Variants in DOCK3 observed in about 807,000 individuals in gnomAD.
DOCK3 encodes dedicator of cytokinesis 3, also known as dedicator of cytokinesis protein 3.
DOCK3 carries 60 observed loss-of-function variants against 265.6 expected under a neutral mutation model. The ratio of observed to expected loss-of-function variants is 0.23; its 90% CI spans 0.18 to 0.28. The LOEUF (loss-of-function observed/expected upper bound fraction) is 0.28, where lower values mean the gene tolerates loss of function less well. Among genes scored for constraint, DOCK3 ranks in the 10% least tolerant of loss-of-function variants. DOCK3 has a pLI of 1.00. For synonymous variants in DOCK3, 881 were observed against 938.0 expected, an observed-to-expected ratio of 0.94 and a Z score of 1.11; for missense variants, 1,981 against 2,594.3, an observed-to-expected ratio of 0.76 and a Z score of 5.14.
intron 2 of DOCK3, among the ~76,000 whole-genome samples, chr3:50,792,260 CTGT>C (rs1319749517): frequency 6.6e-6 from 1 of 151,794 alleles, no homozygotes; most frequent in Non-Finnish European, 1.5e-5. Context: ...CTCAAGTTGG[CTGT>C]TGTTGGTGTA....
intron 5 of DOCK3, among the ~76,000 whole-genome samples, chr3:51,039,278 G>A (rs2080390036): frequency 6.6e-6 from 1 of 152,144 alleles, no homozygotes; most frequent in Non-Finnish European, 1.5e-5. Flanking sequence ...TTATAGGGGT[G>A]AGCCACCGTA....
intron 4 of DOCK3, among the ~76,000 whole-genome samples, chr3:50,910,944 A>T (rs1351686529): frequency 1.3e-5 from 2 of 151,106 alleles, no homozygotes; most frequent in South Asian, 2.1e-4. Flanking sequence ...CCTGCAGAGG[A>T]TGATTGCTGG....
intron 12 of DOCK3, among the ~76,000 whole-genome samples, chr3:51,185,462 G>A (rs2087542896): frequency 1.3e-5 from 2 of 152,190 alleles, no homozygotes; most frequent in Admixed American, 1.3e-4. Flanking sequence ...TAGCCTGCAA[G>A]CACCAAGTAA....
At chr3:51,205,338 A>T (rs1220854945) in intron 12 of DOCK3, among the ~76,000 whole-genome samples, 1 of 152,070 alleles carries the variant, frequency 6.6e-6, no homozygotes, top group Non-Finnish European at 1.5e-5. Flanking sequence ...GAAGAGTAAG[A>T]TAGAGAGGCA....
At chr3:50,814,106 A>G (rs2043923785) in intron 2 of DOCK3, among the ~76,000 whole-genome samples, 1 of 152,138 alleles carries the variant, frequency 6.6e-6, no homozygotes, top group African/African-American at 2.4e-5. Flanking sequence ...TTCATGATAG[A>G]TTTTAAAATA....
At chr3:51,281,277 ATATATATATATAT>A (rs2081100249) in intron 27 of DOCK3, among the ~76,000 whole-genome samples, 2 of 13,296 alleles carry the variant, frequency 1.5e-4, no homozygotes, top group African/African-American at 2.9e-4. Context: ...GAGCTAAAAT[ATATATATATATAT>A]ATATATATAT....
chr3:50,783,144 G>T (rs749343002), intron 2 of DOCK3, among the ~76,000 whole-genome samples: 2 of 152,080 alleles, frequency 1.3e-5, no homozygotes, highest in Non-Finnish European at 2.9e-5. Flanking sequence ...ACATGCGTGT[G>T]CATGCGTCTT....
chr3:50,730,114 A>G (rs896777606), intron 1 of DOCK3, among the ~76,000 whole-genome samples: 2 of 152,046 alleles, frequency 1.3e-5, no homozygotes, highest in East Asian at 3.9e-4. Context: ...GGAAGAAGTA[A>G]TACTAACTTT....
chr3:51,273,676 G>T (rs888761347), intron 24 of DOCK3, among the ~76,000 whole-genome samples: 1 of 152,150 alleles, frequency 6.6e-6, no homozygotes, highest in Non-Finnish European at 1.5e-5. Flanking sequence ...ACAAGGCAGT[G>T]CCCAAATCTC....
chr3:51,158,032 T>A (rs1012662437), intron 10 of DOCK3, among the ~76,000 whole-genome samples: 3 of 151,974 alleles, frequency 2.0e-5, no homozygotes, highest in Non-Finnish European at 4.4e-5. Flanking sequence ...AAGGGAGCCT[T>A]TCCTAGAAGC....
intron 4 of DOCK3, among the ~76,000 whole-genome samples, chr3:50,926,976 C>T (rs2050788475): frequency 6.6e-6 from 1 of 152,158 alleles, no homozygotes; most frequent in South Asian, 2.1e-4. Flanking sequence ...AACCTTCTAG[C>T]GACTCCCGTC....
chr3:50,736,536 A>G (rs1445702452), intron 1 of DOCK3, among the ~76,000 whole-genome samples: 1 of 152,052 alleles, frequency 6.6e-6, no homozygotes, highest in East Asian at 1.9e-4. Flanking sequence ...AAGTGTTCCT[A>G]TTTCTCCACA....
At chr3:51,013,586 C>A (rs148200714) in intron 5 of DOCK3, among the ~76,000 whole-genome samples, 1 of 152,244 alleles carries the variant, frequency 6.6e-6, no homozygotes, top group African/African-American at 2.4e-5. Flanking sequence ...GTCAGTCAGC[C>A]CCTATTGGGA....
At chr3:50,809,763 T>C (rs2043631295) in intron 2 of DOCK3, among the ~76,000 whole-genome samples, 2 of 152,152 alleles carry the variant, frequency 1.3e-5, no homozygotes, top group African/African-American at 2.4e-5. Flanking sequence ...ATCACAGACA[T>C]ATTATTGAAA....
At chr3:51,086,879 A>T (rs192163161) in intron 7 of DOCK3, among the ~76,000 whole-genome samples, 1 of 152,320 alleles carries the variant, frequency 6.6e-6, no homozygotes, top group Admixed American at 6.5e-5. Context: ...ACCTAGAGGA[A>T]ATGGATTAAT....
intron 32 of DOCK3, among the ~76,000 whole-genome samples, chr3:51,325,888 A>G (rs2084073258): frequency 6.6e-6 from 1 of 152,090 alleles, no homozygotes; most frequent in African/African-American, 2.4e-5. Flanking sequence ...CAGGGAGGGG[A>G]ACATCACACA....
intron 5 of DOCK3, among the ~76,000 whole-genome samples, chr3:50,969,133 T>G (rs1351698239): frequency 6.6e-6 from 1 of 152,218 alleles, no homozygotes; most frequent in African/African-American, 2.4e-5. Flanking sequence ...TCAAGTAGTA[T>G]TTGTTTAATA....
intron 10 of DOCK3, among the ~76,000 whole-genome samples, chr3:51,151,658 G>A (rs1440759858): frequency 6.6e-6 from 1 of 152,168 alleles, no homozygotes; most frequent in Non-Finnish European, 1.5e-5. Flanking sequence ...CATGTTTAGT[G>A]CTTCCTTCAG....
chr3:51,062,042 A>G (rs1225369064), intron 5 of DOCK3, among the ~76,000 whole-genome samples: 11 of 152,148 alleles, frequency 7.2e-5, no homozygotes. Context: ...TAACATCAGC[A>G]TTCTTACCTT....
Sources: gnomAD v4.1 joint callset for allele counts (sites outside exome capture counted in the v4.1 genomes callset) on GRCh38, gnomAD v4.1.1 for gene constraint, MANE v1.5 for transcripts, NCBI Gene and HGNC (gene_info 2026-07-23, HGNC 2026-07-21) for gene names.